LACC1: variants seen among roughly 807,000 people sequenced by gnomAD.
The protein encoded by LACC1 is laccase domain multifunctional purine nucleosidase 1, also known as purine nucleoside phosphorylase LACC1.
In LACC1, 25 loss-of-function variants were observed where a neutral mutation model predicts 34.8. The observed-to-expected ratio is 0.72, with a 90% confidence interval of 0.52 to 1.00. LACC1 has a LOEUF of 1.00. Among genes scored for constraint, LACC1 ranks in the 50% least tolerant of loss-of-function variants. The pLI, the probability that LACC1 is intolerant of heterozygous loss-of-function variation, is 0.00. For synonymous variants in LACC1, 162 were observed against 168.0 expected, an observed-to-expected ratio of 0.96 and a Z score of 0.28; for missense variants, 426 against 511.2, an observed-to-expected ratio of 0.83 and a Z score of 1.61.
intron 4 of LACC1, among the ~76,000 whole-genome samples, 186 bp from the exon 5 acceptor site, chr13:43,888,571 G>A (rs1955436278): frequency 6.6e-6 from 1 of 152,084 alleles, no homozygotes; most frequent in South Asian, 2.1e-4. Flanking sequence ...CCCATTACAT[G>A]TCTCTTCTGT....
intron 2 of LACC1, among the ~76,000 whole-genome samples, chr13:43,881,940 A>G (rs1955084288): frequency 6.6e-6 from 1 of 152,232 alleles, no homozygotes; most frequent in South Asian, 2.1e-4. Flanking sequence ...ATTTTCTGTG[A>G]GCTATATGCT....
chr13:43,891,143 C>T (rs1955554506), intron 6 of LACC1, among the ~76,000 whole-genome samples: 1 of 152,128 alleles, frequency 6.6e-6, no homozygotes, highest in South Asian at 2.1e-4. Context: ...GGCTATAGTA[C>T]ACTGACACAT....
intron 4 of LACC1, among the ~76,000 whole-genome samples, chr13:43,884,670 A>G (rs150206105): frequency 6.0e-4 from 92 of 152,308 alleles, no homozygotes; most frequent in East Asian, 1.3e-3. Flanking sequence ...AGATTACCCC[A>G]TAGCTGTGAT....
intron 4 of LACC1, among the ~76,000 whole-genome samples, chr13:43,886,729 C>G (rs1344335647): frequency 6.6e-6 from 1 of 151,982 alleles, no homozygotes; most frequent in Non-Finnish European, 1.5e-5. Context: ...AACAAACCTG[C>G]ATATATGTAC....
upstream of LACC1, chr13:43,879,768 G>GGGGGC (rs1555394128): frequency 2.5e-5 from 3 of 119,496 alleles, no homozygotes; most frequent in Admixed American, 9.0e-5. Context: ...GGTGGGCGAG[G>GGGGGC]GGGGCGAGGT....
chr13:43,891,518 C>A lies in LACC1; in HGVS notation c.*71C>A. 1 of 978,164 alleles carries A rather than the reference C, an allele frequency of 1.0e-6. No homozygotes were observed. The highest frequency in any genetic ancestry group is 1.2e-6 in the Non-Finnish European group (1 of 823,200). 60.6% of individuals were successfully genotyped at this position (978,164 alleles called of 1,614,324 possible). On this transcript the variant is annotated 3_prime_UTR_variant, in exon 7 of 7. Transcript: ENST00000325686. Reference sequence around the variant, plus strand: ...AACTGACTGCAAGAGAGAAATTTAGCTGTTTGATTTACTTAAAACCAAATG... The same window carrying A: ...AACTGACTGCAAGAGAGAAATTTAGATGTTTGATTTACTTAAAACCAAATG...
chr13:43,882,449 T>C (rs1041578911), intron 3 of LACC1, 86 bp downstream of exon 3: 1 of 940,834 alleles, frequency 1.1e-6, no homozygotes, highest in African/African-American at 1.7e-5. Flanking sequence ...TATTTAACTT[T>C]TGTATCTGCT....
intron 4 of LACC1, among the ~76,000 whole-genome samples, chr13:43,887,694 A>G (rs1234549846): frequency 6.6e-6 from 1 of 152,192 alleles, no homozygotes; most frequent in Non-Finnish European, 1.5e-5. Context: ...AATGCAGAGA[A>G]ATTCTGTGTT....
At chr13:43,885,151 G>T (rs1955254852) in intron 4 of LACC1, among the ~76,000 whole-genome samples, 1 of 152,120 alleles carries the variant, frequency 6.6e-6, no homozygotes, top group African/African-American at 2.4e-5. Flanking sequence ...TGGATAGGAA[G>T]AATCAATATT....
rs769114884 is a variant in LACC1, at chr13:43,890,124, G to C, written c.1144G>C (p.Glu382Gln). 6.2e-7 allele frequency: 1 copy of C among 1,610,128 alleles called. No homozygotes were observed. The highest frequency in any genetic ancestry group is 8.5e-7 in the Non-Finnish European group (1 of 1,178,194). The change falls in exon 6 of 7, where the codon GAA becomes CAA. Residue 382 changes from glutamate (E) to glutamine (Q), a missense_variant. By Grantham distance (29) the Glu-to-Gln change is conservative. Transcript: ENST00000325686. The part of the protein sequence containing the change: ...DIRKATRILL[E>Q]QGGILPQNIQ... ...AATATTTTTCCTAAGGATTCTTCTA[G>C]AACAGGGAGGAATTCTTCCACAGAA... is the stretch of plus-strand genomic sequence containing the variant.
rs1955640342 is a variant in LACC1, at chr13:43,893,469, C to T, written c.*2022C>T. 6.6e-6 allele frequency: 1 copy of T among 151,926 alleles called. No homozygotes were observed. The highest frequency in any genetic ancestry group is 1.5e-5 in the Non-Finnish European group (1 of 67,856). 9.4% of individuals were successfully genotyped at this position (151,926 alleles called of 1,614,324 possible). A position where few individuals can be genotyped will look rare whatever the true frequency, so the allele number is the denominator to read the frequency against. ...TGTTAACATAATTTATTCATACATT[C>T]AGTGAAAATTTTGTTGAGGTACTGG... On this transcript the variant is annotated 3_prime_UTR_variant, in exon 7 of 7. Transcript: ENST00000325686.
chr13:43,881,995 G>A (rs375193174), intron 2 of LACC1, among the ~76,000 whole-genome samples, 190 bp from the exon 3 acceptor site: 2 of 152,252 alleles, frequency 1.3e-5, no homozygotes, highest in East Asian at 3.9e-4. Flanking sequence ...ACCTTTTGAA[G>A]AGCAACAATC....
At position 43,883,791 on chromosome 13, in the gene LACC1, C is replaced by G. The variant is rs148808105; in HGVS notation, c.762C>G (p.Ile254Met). ...YRIKTHHSND[I>M]WIMGRKEPDS... ...ATTAGACTCATCATTCCAATGACAT[C>G]TGGATTATGGGAAGAAAGGAGCCTG... is the stretch of plus-strand genomic sequence containing the variant. The change falls in exon 4 of 7, where the codon ATC becomes ATG. Residue 254 changes from isoleucine (I) to methionine (M), a missense_variant. Physicochemically the swap from Ile to Met is conservative, Grantham distance 10. Transcript: ENST00000325686. 3.1e-5 allele frequency: 50 copies of G among 1,612,126 alleles called. No individual in the cohort carries two copies. The African/African-American group carries it at 6.0e-4, about 19-fold the overall frequency.
chr13:43,889,909 A>G, intron 5 of LACC1: 1 of 528,342 alleles, frequency 1.9e-6, no homozygotes, highest in East Asian at 3.0e-5. Context: ...TACTGTGCAT[A>G]TATGAACTTA....
At position 43,888,943 on chromosome 13, in the gene LACC1, A is replaced by G; in HGVS notation, c.1094A>G (p.Asp365Gly). The change falls in exon 5 of 7, where the codon GAT becomes GGT. Residue 365 changes from aspartate to glycine, a missense_variant. Transcript: ENST00000325686. ...NLHPACVQLF[D>G]SPNPCIDIRK... is the part of the protein sequence containing the mutation. ...CATCCTGCATGTGTACAACTATTTG[A>G]TTCACCAAATCCCTGTATCGACATC... is the stretch of plus-strand genomic sequence containing the variant. 1 of 1,613,798 alleles carries G rather than the reference A, an allele frequency of 6.2e-7. No individual in the cohort carries two copies. Among genetic ancestry groups the G allele is most frequent in the East Asian group, 2.2e-5 (1 of 44,846 alleles).
intron 4 of LACC1, among the ~76,000 whole-genome samples, chr13:43,884,829 G>A (rs1299417288): frequency 2.0e-5 from 3 of 152,042 alleles, no homozygotes; most frequent in Non-Finnish European, 4.4e-5. Context: ...TAGAAGTCAG[G>A]TTTACTACAT....
intron 4 of LACC1, among the ~76,000 whole-genome samples, chr13:43,885,894 C>T (rs1027794226): frequency 6.6e-6 from 1 of 151,920 alleles, no homozygotes; most frequent in African/African-American, 2.4e-5. Flanking sequence ...CTATAAGGAA[C>T]TTAAATCAAC....
intron 1 of LACC1, among the ~76,000 whole-genome samples, chr13:43,880,450 A>T (rs906496248): frequency 1.3e-5 from 2 of 152,180 alleles, no homozygotes; most frequent in Admixed American, 6.5e-5. Flanking sequence ...CTAAGTGTGG[A>T]GTACTGCGCA....
chr13:43,880,526 A>G (rs1335704507), intron 1 of LACC1, among the ~76,000 whole-genome samples: 1 of 152,262 alleles, frequency 6.6e-6, no homozygotes, highest in Non-Finnish European at 1.5e-5. Flanking sequence ...TTTCGCGTGC[A>G]GCTCCATTTA....
Sources: allele counts gnomAD v4.1 joint callset (sites outside exome capture counted in the v4.1 genomes callset), GRCh38; gene constraint gnomAD v4.1.1; transcripts MANE v1.5; gene names NCBI Gene and HGNC (gene_info 2026-07-23, HGNC 2026-07-21).